Variants in ZNF646 observed in about 807,000 individuals in gnomAD.
ZNF646 encodes the protein zinc finger protein 646.
In ZNF646, 49 loss-of-function variants were observed where a neutral mutation model predicts 115.4. The observed-to-expected ratio is 0.42, with a 90% CI of 0.34 to 0.54. The LOEUF (loss-of-function observed/expected upper bound fraction) is 0.54, where lower values mean the gene tolerates loss of function less well. Among genes scored for constraint, ZNF646 ranks in the 20% least tolerant of loss-of-function variants. The pLI is 0.04. For synonymous variants in ZNF646, 933 were observed against 939.0 expected, an observed-to-expected ratio of 0.99 and a Z score of 0.12; for missense variants, 2,269 against 2,457.9, an observed-to-expected ratio of 0.92 and a Z score of 1.62.
At position 31,079,392 on chromosome 16, in the gene ZNF646, A is replaced by C. The variant is rs368754362; in HGVS notation, c.3068A>C (p.Lys1023Thr). Reference protein sequence around the residue: ...NSVSGEGGDAKSQEGAGTPLG... With the variant: ...NSVSGEGGDATSQEGAGTPLG... ...GTCTCTGGAGAGGGTGGAGATGCCA[A>C]GTCTCAAGAGGGAGCAGGCACCCCC... Residue 1023 changes from lysine (K) to threonine (T), a missense_variant, in exon 2 of 3, where the codon AAG becomes ACG. Lys to Thr is a moderately conservative substitution (Grantham distance 78). This residue lies in a region of ZNF646 where 1,062 missense variants were observed against 1,172.8 expected (regional missense o/e 0.91). Coordinates refer to ENST00000300850, the MANE Select transcript of ZNF646 (RefSeq NM_014699.4). This position sits in a 1 kb window ranked among gnomAD's most constrained non-coding sequence, Gnocchi z 5.5. 27 of 1,614,000 alleles carry C rather than the reference A, an allele frequency of 1.7e-5. No homozygotes were observed. Among genetic ancestry groups the C allele is most frequent in the Non-Finnish European group, 2.3e-5 (27 of 1,180,038 alleles).
chr16:31,081,800 C>A, intron 2 of ZNF646, 99 bp downstream of exon 2: 1 of 1,444,714 alleles, frequency 6.9e-7, no homozygotes, highest in Non-Finnish European at 9.2e-7. Context: ...GAGGAGAGAG[C>A]CCCGGGGATT....
At chr16:31,075,212 C>T (rs867337287) in intron 1 of ZNF646, among the ~76,000 whole-genome samples, 6 of 152,188 alleles carry the variant, frequency 3.9e-5, no homozygotes, top group South Asian at 4.1e-4. Context: ...AGTGACATTA[C>T]AACCTGGTAT....
At position 31,080,638 on chromosome 16, in the gene ZNF646, G is replaced by T. The variant is rs749877180; in HGVS notation, c.4314G>T (p.Glu1438Asp). The change falls in exon 2 of 3, where the codon GAG becomes GAT. Residue 1438 changes from glutamate to aspartate, a missense_variant. Glu to Asp is a conservative substitution (Grantham distance 45). Coordinates refer to ENST00000300850, the MANE Select transcript of ZNF646 (RefSeq NM_014699.4). ...HLEDGVPRPG[E>D]RSQSPIRAAS... ...AGGATGGAGTCCCAAGGCCAGGGGA[G>T]CGCAGTCAGAGCCCCATCAGGGCAG... 2 of 1,614,174 alleles carry T rather than the reference G, an allele frequency of 1.2e-6. No homozygotes were observed. Among genetic ancestry groups the T allele is most frequent in the East Asian group, 4.5e-5 (2 of 44,884 alleles).
intron 2 of ZNF646, chr16:31,082,483 G>A (rs2057175624): frequency 5.4e-6 from 1 of 186,768 alleles, no homozygotes; most frequent in Non-Finnish European, 1.2e-5. Context: ...CCCAGCTGCA[G>A]CAACAACAGT....
chr16:31,082,836 A>G (rs2057181600), intron 2 of ZNF646, 135 bp from the exon 3 acceptor site: 2 of 1,179,054 alleles, frequency 1.7e-6, no homozygotes, highest in Admixed American at 6.2e-5. Flanking sequence ...GAAAATAATT[A>G]GGAGGCCTAG....
rs779913834 is a variant in ZNF646 at position 31,080,351 on chromosome 16, G to T, written c.4027G>T (p.Asp1343Tyr). The T allele has an allele frequency of 3.7e-6, 6 of 1,613,562 alleles. No homozygotes were observed. The highest frequency in any genetic ancestry group is 5.1e-6 in the Non-Finnish European group (6 of 1,179,908). The change falls in exon 2 of 3, where the codon GAC becomes TAC. Residue 1343 changes from aspartate to tyrosine, a missense_variant. Around this residue, in one of 5 missense-constraint regions of ZNF646, gnomAD observed 1,062 missense variants for 1,172.8 expected, o/e 0.91. Coordinates refer to ENST00000300850, the MANE Select transcript of ZNF646 (RefSeq NM_014699.4). ...CTACTCCAACCGCATGGCCCTGAAGGACCACCAGAGGCTGCACTCAGAGAA... is the reference window on the plus strand; with the variant it reads ...CTACTCCAACCGCATGGCCCTGAAGTACCACCAGAGGCTGCACTCAGAGAA... ...KTYSNRMALK[D>Y]HQRLHSENRR... is the part of the protein sequence containing the mutation.
rs376666600 is a variant in ZNF646, at chr16:31,079,311, C to G, written c.2987C>G (p.Ala996Gly). 19 of 1,612,880 alleles carry G rather than the reference C, an allele frequency of 1.2e-5. No homozygotes were observed. The highest frequency in any genetic ancestry group is 1.6e-5 in the Non-Finnish European group (19 of 1,179,208). The part of the protein sequence containing the change: ...ADKAPSPLGV[A>G]GDAMEMVVDS... ...AAGGCTCCCAGCCCCTTGGGAGTGGCAGGTGATGCCATGGAGATGGTCGTG... is the reference window on the plus strand; with the variant it reads ...AAGGCTCCCAGCCCCTTGGGAGTGGGAGGTGATGCCATGGAGATGGTCGTG... Residue 996 changes from alanine (A) to glycine (G), a missense_variant, in exon 2 of 3, where the codon GCA becomes GGA. Around this residue, in one of 5 missense-constraint regions of ZNF646, gnomAD observed 1,062 missense variants for 1,172.8 expected, o/e 0.91. Coordinates refer to ENST00000300850, the MANE Select transcript of ZNF646 (RefSeq NM_014699.4). This position sits in a 1 kb window ranked among gnomAD's most constrained non-coding sequence, Gnocchi z 5.5.
rs138487708 is a variant in ZNF646, at chr16:31,079,753, G to C, written c.3429G>C (p.Gly1143=). 4.2e-5 allele frequency: 68 copies of C among 1,613,570 alleles called. 2 individuals are homozygous for C. Among genetic ancestry groups the C allele is most frequent in the African/African-American group, 3.1e-4 (23 of 74,980 alleles). Residue 1143 remains glycine (G), a synonymous_variant, in exon 2 of 3, where the codon GGG becomes GGC. Coordinates refer to ENST00000300850, the MANE Select transcript of ZNF646 (RefSeq NM_014699.4). The surrounding 1 kb of genome is among the most constrained non-coding windows in gnomAD (Gnocchi z 5.5). ...SNKPQHMAEE[G]PGQAEVEKLQ... is the part of the protein sequence containing the mutation. ...AGCCCCAGCACATGGCAGAGGAGGG[G>C]CCGGGGCAAGCAGAAGTCGAGAAGC...
Position 31,079,636 on chromosome 16 carries a change from C to G in ZNF646, c.3312C>G (p.Cys1104Trp). 1 of 1,613,392 alleles carries G rather than the reference C, an allele frequency of 6.2e-7. No individual in the cohort carries two copies. The highest frequency in any genetic ancestry group is 8.5e-7 in the Non-Finnish European group (1 of 1,179,984). ...ATCATCTGCGGAACCACCCTCGCTG[C>G]AAAGGCTCTGAGCCCCAGGTTGGGC... ...YRNHLRNHPR[C>W]KGSEPQVGPI... Residue 1104 changes from cysteine (C) to tryptophan (W), a missense_variant, in exon 2 of 3, where the codon TGC (cysteine) becomes TGG (tryptophan). Cys to Trp is a radical substitution (Grantham distance 215). Transcript: ENST00000300850. This position sits in a 1 kb window ranked among gnomAD's most constrained non-coding sequence, Gnocchi z 5.5.
Position 31,077,489 on chromosome 16 carries a change from C to G in ZNF646, c.1165C>G (p.Leu389Val), listed in dbSNP as rs777468550. The G allele has an allele frequency of 1.9e-6, 3 of 1,613,414 alleles. No homozygotes were observed. The highest frequency in any genetic ancestry group is 2.5e-6 in the Non-Finnish European group (3 of 1,179,942). The change falls in exon 2 of 3, where the codon CTC (leucine) becomes GTC (valine). Residue 389 changes from leucine to valine, a missense_variant. Around this residue, in one of 5 missense-constraint regions of ZNF646, gnomAD observed 852 missense variants for 900.2 expected, o/e 0.95. Transcript: ENST00000300850. ...CGRTYRHAGS[L>V]INHRKSHQTG... Reference sequence around the variant, plus strand: ...CCGTACTTACCGCCATGCTGGGAGCCTCATCAACCATCGAAAGAGCCACCA... The same window carrying G: ...CCGTACTTACCGCCATGCTGGGAGCGTCATCAACCATCGAAAGAGCCACCA...
chr16:31,074,157 G>A (rs1288301250), upstream of ZNF646: 1 of 152,234 alleles, frequency 6.6e-6, no homozygotes, highest in Non-Finnish European at 1.5e-5. Flanking sequence ...ACTGTGGCCA[G>A]GGCTGTAGAA....
At chr16:31,073,975 C>T (rs2057042061), upstream of ZNF646, 1 of 152,298 alleles carries the variant, frequency 6.6e-6, no homozygotes, top group Non-Finnish European at 1.5e-5. Context: ...GCAATGTCTT[C>T]AAGAACCAGA....
rs560606898 is a variant in ZNF646, at chr16:31,077,775, G to T, written c.1451G>T (p.Arg484Leu). 9 of 1,613,934 alleles carry T rather than the reference G, an allele frequency of 5.6e-6. No individual in the cohort carries two copies. In the South Asian group the frequency reaches 8.8e-5, roughly 16 times the overall value. ...CACCGGGGGAGCCTGGTGAACCATC[G>T]CCACAGCCATCGGACTGGAGAGTAC... ...YRHRGSLVNH[R>L]HSHRTGEYQC... The change falls in exon 2 of 3, where the codon CGC (arginine) becomes CTC (leucine). Residue 484 changes from arginine to leucine, a missense_variant. Arg to Leu is a moderately radical substitution (Grantham distance 102, BLOSUM62 -2). Around this residue, in one of 5 missense-constraint regions of ZNF646, gnomAD observed 852 missense variants for 900.2 expected, o/e 0.95. Coordinates refer to ENST00000300850, the MANE Select transcript of ZNF646 (RefSeq NM_014699.4).
chr16:31,077,937 C>T lies in ZNF646; in HGVS notation c.1613C>T (p.Pro538Leu), dbSNP rs752141159. Residue 538 changes from proline (P) to leucine (L), a missense_variant, in exon 2 of 3, where the codon CCG becomes CTG. Physicochemically the swap from Pro to Leu is moderately conservative, Grantham distance 98. Coordinates refer to ENST00000300850, the MANE Select transcript of ZNF646 (RefSeq NM_014699.4). Reference protein sequence around the residue: ...GAPSHLKVELPPDPVEAEAAP... With the variant: ...GAPSHLKVELLPDPVEAEAAP... ...CCCAGCCACCTCAAGGTAGAACTCCCGCCTGACCCAGTGGAGGCAGAGGCA... is the reference window on the plus strand; with the variant it reads ...CCCAGCCACCTCAAGGTAGAACTCCTGCCTGACCCAGTGGAGGCAGAGGCA... 4.5e-5 allele frequency: 72 copies of T among 1,613,740 alleles called. No individual in the cohort carries two copies. Among genetic ancestry groups the T allele is most frequent in the Non-Finnish European group, 6.0e-5 (71 of 1,180,030 alleles).
chr16:31,073,214 T>G (rs921525966), upstream of ZNF646: 1 of 152,314 alleles, frequency 6.6e-6, no homozygotes, highest in African/African-American at 2.4e-5. Context: ...GATGAGGAGA[T>G]GAACAAATGA....
In ZNF646 at chr16:31,081,014, AAGG is replaced by A. The variant is rs201667274; in HGVS notation, c.4693_4695del (p.Glu1565del). ...CCGACACTATTGCCTGCTCTGCTCC[AAGG>A]AGTTCTTAAATCCTGTGGCCACAAA... On this transcript the variant is annotated inframe_deletion, in exon 2 of 3. Coordinates refer to ENST00000300850, the MANE Select transcript of ZNF646 (RefSeq NM_014699.4). 2.2e-5 allele frequency: 35 copies of A among 1,613,932 alleles called. No homozygotes were observed. The East Asian group carries it at 7.6e-4, about 35-fold the overall frequency.
In ZNF646 at chr16:31,079,002, G is replaced by C. The variant is rs765656332; in HGVS notation, c.2678G>C (p.Arg893Pro). The part of the protein sequence containing the change: ...CCLCGMIFPG[R>P]AGYRLHRRQA... Reference sequence around the variant, plus strand: ...CTCTGTGGCATGATCTTCCCTGGGCGGGCTGGCTACAGGCTTCACCGGCGC... The same window carrying C: ...CTCTGTGGCATGATCTTCCCTGGGCCGGCTGGCTACAGGCTTCACCGGCGC... Residue 893 changes from arginine (R) to proline (P), a missense_variant, in exon 2 of 3, where the codon CGG (arginine) becomes CCG (proline). Arg to Pro is a moderately radical substitution (Grantham distance 103). Transcript: ENST00000300850. This position sits in a 1 kb window ranked among gnomAD's most constrained non-coding sequence, Gnocchi z 5.5. The C allele has an allele frequency of 6.3e-7, 1 of 1,598,178 alleles. No homozygotes were observed. Among genetic ancestry groups the C allele is most frequent in the East Asian group, 2.2e-5 (1 of 44,590 alleles).
chr16:31,083,725 G>A lies in ZNF646; in HGVS notation c.*633G>A. 1.2e-6 allele frequency: 2 copies of A among 1,613,198 alleles called. No homozygotes were observed. The highest frequency in any genetic ancestry group is 1.7e-6 in the Non-Finnish European group (2 of 1,179,740). On this transcript the variant is annotated 3_prime_UTR_variant, in exon 3 of 3. Coordinates refer to ENST00000300850, the MANE Select transcript of ZNF646 (RefSeq NM_014699.4). ...GAATCACACATGACAGGGTGGGGAG[G>A]ACAGGGGCAGTAATGCCATTTGCCT...
rs149782225 is a variant in ZNF646 at position 31,079,859 on chromosome 16, G to C, written c.3535G>C (p.Gly1179Arg). ...GGTGTGGGAGGAGACCACTGTGAAGGGGGAGGAGATAGAGCCCAGGCTGGA... is the reference window on the plus strand; with the variant it reads ...GGTGTGGGAGGAGACCACTGTGAAGCGGGAGGAGATAGAGCCCAGGCTGGA... ...EEVWEETTVK[G>R]EEIEPRLETA... The change falls in exon 2 of 3, where the codon GGG becomes CGG. Residue 1179 changes from glycine to arginine, a missense_variant. Coordinates refer to ENST00000300850, the MANE Select transcript of ZNF646 (RefSeq NM_014699.4). This position sits in a 1 kb window ranked among gnomAD's most constrained non-coding sequence, Gnocchi z 5.5. The C allele has an allele frequency of 8.9e-5, 144 of 1,613,108 alleles. 1 individual carries two copies. Among genetic ancestry groups the C allele is most frequent in the Non-Finnish European group, 1.1e-4 (125 of 1,179,448 alleles).
Sources: allele counts gnomAD v4.1 joint callset (sites outside exome capture counted in the v4.1 genomes callset), GRCh38; gene constraint gnomAD v4.1.1; regional missense constraint gnomAD v4.1.1; non-coding constraint Gnocchi (gnomAD v3.1); transcripts MANE v1.5; gene names NCBI Gene and HGNC (gene_info 2026-07-23, HGNC 2026-07-21).